The following CA10 variants were observed in gnomAD, a reference collection of about 807,000 sequenced individuals.
CA10 encodes carbonic anhydrase 10 (inactive), also known as carbonic anhydrase-related protein 10.
CA10 carries 14 observed loss-of-function variants against 44.2 expected under a neutral mutation model. The observed-to-expected ratio is 0.32, with a 90% confidence interval of 0.21 to 0.50. The LOEUF (loss-of-function observed/expected upper bound fraction) is 0.50, where lower values mean the gene tolerates loss of function less well. CA10 is among the 20% of genes least tolerant of loss of function. CA10 has a pLI of 0.99. For missense variants in CA10, 350 were observed against 409.7 expected (o/e 0.85, Z 1.26); for synonymous variants, 159 against 141.6 (o/e 1.12, Z -0.87).
chr17:52,110,920 T>C (rs1249735383), intron 1 of CA10, among the ~76,000 whole-genome samples: 1 of 152,140 alleles, frequency 6.6e-6, no homozygotes, highest in Non-Finnish European at 1.5e-5. Flanking sequence ...GTAAGGGAGA[T>C]CTGGGAAAGG....
intron 3 of CA10, among the ~76,000 whole-genome samples, chr17:51,818,273 C>A (rs1907642648): frequency 6.6e-6 from 1 of 152,178 alleles, no homozygotes; most frequent in Admixed American, 6.5e-5. Flanking sequence ...CTGAGTAAAT[C>A]TTTCTTTTTT....
chr17:51,922,400 G>GGT (rs1210014496), intron 3 of CA10, among the ~76,000 whole-genome samples: 1 of 152,126 alleles, frequency 6.6e-6, no homozygotes, highest in African/African-American at 2.4e-5. Context: ...CCCAAATGGA[G>GGT]GTATACATTG....
intron 2 of CA10, among the ~76,000 whole-genome samples, chr17:52,043,407 A>G (rs993519854): frequency 4.0e-5 from 6 of 151,444 alleles, no homozygotes; most frequent in African/African-American, 1.5e-4. Flanking sequence ...AATTTTTTGC[A>G]CATTGATTTT....
At chr17:52,156,758 A>G (rs1989812061) in intron 1 of CA10, among the ~76,000 whole-genome samples, 1 of 152,238 alleles carries the variant, frequency 6.6e-6, no homozygotes, top group African/African-American at 2.4e-5. Context: ...GAATGCAGGC[A>G]GAAGGGAGCA....
chr17:52,059,557 GATCT>G (rs1287311726), intron 2 of CA10, among the ~76,000 whole-genome samples: 6 of 152,074 alleles, frequency 3.9e-5, no homozygotes, highest in African/African-American at 9.6e-5. Flanking sequence ...TGAATTAGAA[GATCT>G]ATCAAATGTA....
chr17:52,060,624 A>G (rs1426746469), intron 2 of CA10, among the ~76,000 whole-genome samples: 1 of 152,182 alleles, frequency 6.6e-6, no homozygotes, highest in Non-Finnish European at 1.5e-5. Context: ...AATAAATGAT[A>G]TCCAAATGCT....
chr17:51,747,970 G>A lies in CA10; in HGVS notation c.280-152C>T, dbSNP rs1029815218. On this transcript the variant is annotated intron_variant, in intron 3 of 8. Transcript: ENST00000451037. ...GGAGTAGGGCGTGGCAGCTGCCCCA[G>A]AGGGTATATGTGGGATCTATGGTAA... is the stretch of plus-strand genomic sequence containing the variant. The A allele has an allele frequency of 2.4e-5, 14 of 592,332 alleles. No homozygotes were observed. The African/African-American group carries it at 2.4e-4, about 10-fold the overall frequency. The allele number at this position is 592,332 out of a possible 1,614,324, so 36.7% of individuals were successfully genotyped here.
At chr17:51,877,156 C>G (rs1434467521) in intron 3 of CA10, among the ~76,000 whole-genome samples, 2 of 152,142 alleles carry the variant, frequency 1.3e-5, no homozygotes, top group Non-Finnish European at 2.9e-5. Context: ...CTTCCCTCCC[C>G]CAAGCTTTAG....
chr17:51,996,123 A>G (rs2144112000), intron 2 of CA10, among the ~76,000 whole-genome samples: 1 of 152,028 alleles, frequency 6.6e-6, no homozygotes, highest in Non-Finnish European at 1.5e-5. Flanking sequence ...GTCCTTGAGG[A>G]GCTCCCAGTA....
chr17:51,794,310 C>T (rs1284046504), intron 3 of CA10, among the ~76,000 whole-genome samples: 1 of 152,166 alleles, frequency 6.6e-6, no homozygotes, highest in Non-Finnish European at 1.5e-5. Context: ...AAGAAAGCTG[C>T]TGGAAGTGCC....
intron 2 of CA10, among the ~76,000 whole-genome samples, chr17:52,016,140 G>C (rs1380325426): frequency 6.6e-6 from 1 of 152,048 alleles, no homozygotes. Flanking sequence ...TGACAGGCTG[G>C]GGCTTTCAGA....
chr17:51,749,355 C>T (rs926709458), intron 3 of CA10, among the ~76,000 whole-genome samples: 6 of 152,220 alleles, frequency 3.9e-5, no homozygotes, highest in South Asian at 2.1e-4. Context: ...TGAGGGCATG[C>T]GTGTTTTCTT....
At chr17:51,789,391 G>A (rs908505164) in intron 3 of CA10, among the ~76,000 whole-genome samples, 2 of 152,166 alleles carry the variant, frequency 1.3e-5, no homozygotes, top group African/African-American at 4.8e-5. Context: ...AATTTATTGT[G>A]TACTAACAGA....
intron 1 of CA10, among the ~76,000 whole-genome samples, chr17:52,125,348 G>C (rs574712236): frequency 6.6e-6 from 1 of 152,332 alleles, no homozygotes; most frequent in South Asian, 2.1e-4. Flanking sequence ...CAGCCGGCTG[G>C]TTGGTGAGCT....
chr17:51,883,943 C>T (rs151287663), intron 3 of CA10, among the ~76,000 whole-genome samples: 93 of 152,242 alleles, frequency 6.1e-4, no homozygotes, highest in African/African-American at 2.1e-3. Flanking sequence ...TCATGGTATT[C>T]TCTCCCAAAT....
At chr17:51,782,241 C>G (rs569760697) in intron 3 of CA10, among the ~76,000 whole-genome samples, 1 of 152,328 alleles carries the variant, frequency 6.6e-6, no homozygotes, top group South Asian at 2.1e-4. Context: ...AATCACCAAT[C>G]TTTTGTCATA....
Position 51,729,181 on chromosome 17 carries a change from C to G in CA10, c.465+18452G>C, listed in dbSNP as rs193132990. Among the ~76,000 whole-genome samples the G allele has an allele frequency of 1.4e-3, 208 of 152,278 alleles. 1 individual carries two copies. The highest frequency in any genetic ancestry group is 2.6e-3 in the Non-Finnish European group (175 of 68,024). ...ATTTGACCTCTAGCCCCACCCTACA[C>G]CTTGCTATTCCTCAAACACACCAAG... On this transcript the variant is annotated intron_variant, in intron 4 of 8. Transcript: ENST00000451037.
At chr17:51,777,681 C>T (rs569448909) in intron 3 of CA10, among the ~76,000 whole-genome samples, 1 of 152,322 alleles carries the variant, frequency 6.6e-6, no homozygotes, top group African/African-American at 2.4e-5. Flanking sequence ...CAGGGGTTCA[C>T]GCCTGTAATC....
intron 2 of CA10, among the ~76,000 whole-genome samples, chr17:51,945,493 C>T (rs1210402003): frequency 4.6e-5 from 7 of 152,112 alleles, no homozygotes; most frequent in African/African-American, 1.7e-4. Context: ...CAGAAAACTC[C>T]AGGGGGCTGA....
Sources: gnomAD v4.1 joint callset for allele counts (sites outside exome capture counted in the v4.1 genomes callset) on GRCh38, gnomAD v4.1.1 for gene constraint, MANE v1.5 for transcripts, NCBI Gene and HGNC (gene_info 2026-07-23, HGNC 2026-07-21) for gene names.